Variants in NR5A2 observed in about 807,000 individuals in gnomAD.
NR5A2 encodes the protein nuclear receptor subfamily 5 group A member 2.
In NR5A2, 26 loss-of-function variants were observed where a neutral mutation model predicts 62.7. The ratio of observed to expected loss-of-function variants is 0.41; its 90% CI spans 0.30 to 0.58. The LOEUF (loss-of-function observed/expected upper bound fraction) is 0.58, where lower values mean the gene tolerates loss of function less well. NR5A2 is among the 20% of genes least tolerant of loss of function. The pLI, the probability that NR5A2 is intolerant of heterozygous loss-of-function variation, is 0.22. For synonymous variants in NR5A2, 246 were observed against 241.7 expected (o/e 1.02, Z -0.16); for missense variants, 541 against 669.1 (o/e 0.81, Z 2.11).
intron 5 of NR5A2, among the ~76,000 whole-genome samples, chr1:200,064,841 G>C (rs911018106): frequency 6.6e-6 from 1 of 152,182 alleles, no homozygotes; most frequent in Non-Finnish European, 1.5e-5. Flanking sequence ...GTCTCCAACA[G>C]ACCTTTTTCC....
chr1:200,083,895 G>T (rs576582905), intron 5 of NR5A2, among the ~76,000 whole-genome samples: 51 of 151,872 alleles, frequency 3.4e-4, no homozygotes, highest in African/African-American at 1.2e-3. Flanking sequence ...AACCTGGGAG[G>T]TGGAGGTTGC....
chr1:200,056,255 T>C (rs1304920009), intron 5 of NR5A2, among the ~76,000 whole-genome samples: 1 of 152,262 alleles, frequency 6.6e-6, no homozygotes, highest in East Asian at 1.9e-4. Context: ...CAATGCCTGT[T>C]TGTGCTATGG....
In NR5A2 at chr1:200,048,615, C is replaced by T. The variant is rs532362884; in HGVS notation, c.907C>T (p.His303Tyr). ...GACGAGCTCTCCAGCAAGCATCCCA[C>T]ATCTGATACTGGAACTTTTGAAGTG... ...YQTSSPASIP[H>Y]LILELLKCEP... is the part of the protein sequence containing the mutation. Residue 303 changes from histidine (H) to tyrosine (Y), a missense_variant, in exon 5 of 8, where the codon CAT becomes TAT. By Grantham distance (83) the His-to-Tyr change is moderately conservative. Around this residue, in one of 3 missense-constraint regions of NR5A2, gnomAD observed 379 missense variants for 442.0 expected, o/e 0.86. Coordinates refer to ENST00000367362, the MANE Select transcript of NR5A2 (RefSeq NM_205860.3). This position sits in a 1 kb window ranked among gnomAD's most constrained non-coding sequence, Gnocchi z 4.8. 1 of 1,614,202 alleles carries T rather than the reference C, an allele frequency of 6.2e-7. No homozygotes were observed. Among genetic ancestry groups the T allele is most frequent in the African/African-American group, 1.3e-5 (1 of 75,040 alleles).
intron 2 of NR5A2, among the ~76,000 whole-genome samples, chr1:200,041,132 C>T (rs1165758070): frequency 6.6e-6 from 1 of 152,174 alleles, no homozygotes; most frequent in Admixed American, 6.5e-5. Flanking sequence ...AGAGGGCCTA[C>T]CCTTGGGGTC....
At chr1:200,157,245 G>A (rs192826938) in intron 7 of NR5A2, among the ~76,000 whole-genome samples, 168 of 152,152 alleles carry the variant, frequency 1.1e-3, no homozygotes, top group African/African-American at 3.7e-3. Flanking sequence ...CAGTGTTCAC[G>A]GATTTAAAAT....
intron 5 of NR5A2, among the ~76,000 whole-genome samples, chr1:200,103,907 G>C (rs1290667148): frequency 2.0e-5 from 3 of 152,204 alleles, no homozygotes; most frequent in Non-Finnish European, 4.4e-5. Context: ...CAGAACAAGA[G>C]GGAGAAGTAT....
intron 7 of NR5A2, among the ~76,000 whole-genome samples, chr1:200,148,681 G>A (rs564229133): frequency 6.6e-6 from 1 of 152,178 alleles, no homozygotes; most frequent in Non-Finnish European, 1.5e-5. Context: ...AATCTCCCTG[G>A]TAAACTTCAA....
At chr1:200,093,066 T>C (rs1187830455) in intron 5 of NR5A2, among the ~76,000 whole-genome samples, 1 of 151,812 alleles carries the variant, frequency 6.6e-6, no homozygotes, top group East Asian at 1.9e-4. Context: ...GTATTTTGTA[T>C]TTTTAGTACA....
chr1:200,039,620 CT>C lies in NR5A2; in HGVS notation c.65-34del. 6.2e-7 allele frequency: 1 copy of C among 1,607,670 alleles called. No homozygotes were observed. On this transcript the variant is annotated intron_variant, in intron 1 of 7. Transcript: ENST00000367362. This position sits in a 1 kb window ranked among gnomAD's most constrained non-coding sequence, Gnocchi z 5.1. ...CAGGCATCCCGGTCGCCCCTTCCTT[CT>C]TTTCGCCGGAGTTGAATCTGTGCTG...
chr1:200,065,765 A>G (rs1016119320), intron 5 of NR5A2, among the ~76,000 whole-genome samples: 1 of 152,236 alleles, frequency 6.6e-6, no homozygotes, highest in Admixed American at 6.5e-5. Flanking sequence ...GAGAAGACCA[A>G]TGTGAAGAGC....
chr1:200,039,075 G>A lies in NR5A2; in HGVS notation c.65-583G>A, dbSNP rs1003976583. Among the ~76,000 whole-genome samples the A allele has an allele frequency of 2.0e-4, 30 of 152,224 alleles. No homozygotes were observed. Among genetic ancestry groups the A allele is most frequent in the African/African-American group, 7.0e-4 (29 of 41,538 alleles). On this transcript the variant is annotated intron_variant, in intron 1 of 7. Coordinates refer to ENST00000367362, the MANE Select transcript of NR5A2 (RefSeq NM_205860.3). The surrounding 1 kb of genome is among the most constrained non-coding windows in gnomAD (Gnocchi z 5.1). Reference sequence around the variant, plus strand: ...GAAGGGCCGTTCTCGGTCCCGCGCGGGGAGTGGACCAGGCAGGAGAGGGAG... The same window carrying A: ...GAAGGGCCGTTCTCGGTCCCGCGCGAGGAGTGGACCAGGCAGGAGAGGGAG...
chr1:200,120,630 A>G (rs1000704127), intron 6 of NR5A2, among the ~76,000 whole-genome samples, 178 bp from the exon 7 acceptor site: 1 of 152,208 alleles, frequency 6.6e-6, no homozygotes, highest in African/African-American at 2.4e-5. Context: ...GGCCAAGGCC[A>G]GAGGATCACT....
At chr1:200,134,048 G>A (rs1667107347) in intron 7 of NR5A2, among the ~76,000 whole-genome samples, 1 of 151,918 alleles carries the variant, frequency 6.6e-6, no homozygotes, top group Admixed American at 6.6e-5. Context: ...TATCGAATAA[G>A]CATATAAAGA....
At chr1:200,078,101 C>T (rs1029533770) in intron 5 of NR5A2, among the ~76,000 whole-genome samples, 2 of 152,144 alleles carry the variant, frequency 1.3e-5, no homozygotes, top group African/African-American at 2.4e-5. Flanking sequence ...TTGCTCCAAA[C>T]GTGGGCATCA....
At chr1:200,163,156 T>A (rs1653722365) in intron 7 of NR5A2, among the ~76,000 whole-genome samples, 1 of 151,290 alleles carries the variant, frequency 6.6e-6, no homozygotes, top group South Asian at 2.1e-4. Context: ...GAAAGTACAA[T>A]CTATAATGGA....
chr1:200,091,328 T>A (rs1341580956), intron 5 of NR5A2, among the ~76,000 whole-genome samples: 6 of 151,638 alleles, frequency 4.0e-5, no homozygotes, highest in Non-Finnish European at 5.9e-5. Context: ...GTGGGGAGGG[T>A]CAATATTAAT....
At chr1:200,143,539 C>G (rs891318075) in intron 7 of NR5A2, among the ~76,000 whole-genome samples, 2 of 151,872 alleles carry the variant, frequency 1.3e-5, no homozygotes, top group Non-Finnish European at 2.9e-5. Context: ...CAAGACCTAG[C>G]TCTGGTTGCC....
At chr1:200,152,170 T>C (rs1452859241) in intron 7 of NR5A2, among the ~76,000 whole-genome samples, 1 of 152,182 alleles carries the variant, frequency 6.6e-6, no homozygotes, top group Admixed American at 6.5e-5. Flanking sequence ...AGAAGTTCTC[T>C]AGCATTTCAG....
chr1:200,071,754 G>A (rs1663748661), intron 5 of NR5A2, among the ~76,000 whole-genome samples: 1 of 152,162 alleles, frequency 6.6e-6, no homozygotes, highest in African/African-American at 2.4e-5. Flanking sequence ...TTGTGATGAA[G>A]AGCAGAGCCG....
Sources: gnomAD v4.1 joint callset for allele counts (sites outside exome capture counted in the v4.1 genomes callset) on GRCh38, gnomAD v4.1.1 for gene constraint, gnomAD v4.1.1 regional missense constraint, Gnocchi (gnomAD v3.1) non-coding constraint, MANE v1.5 for transcripts, NCBI Gene and HGNC (gene_info 2026-07-23, HGNC 2026-07-21) for gene names.